PLA2G5: variants seen among roughly 807,000 people sequenced by gnomAD.
PLA2G5 encodes Ca2+-dependent phospholipase A2.
In PLA2G5, 12 loss-of-function variants were observed where a neutral mutation model predicts 15.9. The ratio of observed to expected loss-of-function variants is 0.76; its 90% confidence interval spans 0.48 to 1.23. PLA2G5 has a LOEUF of 1.23. PLA2G5 is among the 50% of genes most tolerant of loss of function. The pLI is 0.00. For synonymous variants in PLA2G5, 71 were observed against 71.4 expected, an observed-to-expected ratio of 0.99 and a Z score of 0.03; for missense variants, 169 against 177.1, an observed-to-expected ratio of 0.95 and a Z score of 0.26.
chr1:20,076,524 C>T (rs1026508979), intron 1 of PLA2G5, among the ~76,000 whole-genome samples: 9 of 152,142 alleles, frequency 5.9e-5, no homozygotes, highest in African/African-American at 1.7e-4. Context: ...GTCAGGTGTA[C>T]GATTCTGGGT....
chr1:20,035,618 A>T (rs10916696), intron 1 of PLA2G5, among the ~76,000 whole-genome samples: 150,375 of 152,272 alleles, frequency 0.99, 74,273 homozygotes, highest in East Asian at 1. Flanking sequence ...TCCTTATGTG[A>T]TAGATGAGTT....
At chr1:20,087,045 A>T (rs2016326199) in intron 3 of PLA2G5, among the ~76,000 whole-genome samples, 1 of 152,242 alleles carries the variant, frequency 6.6e-6, no homozygotes, top group African/African-American at 2.4e-5. Context: ...AGAATGATCC[A>T]TGTGCAAAAG....
intron 1 of PLA2G5, among the ~76,000 whole-genome samples, chr1:20,040,265 AT>A (rs978424857): frequency 6.6e-6 from 1 of 152,084 alleles, no homozygotes; most frequent in African/African-American, 2.4e-5. Context: ...TTGTGAAGGT[AT>A]TTTTGTACAG....
intron 1 of PLA2G5, among the ~76,000 whole-genome samples, chr1:20,046,306 G>A (rs975406418): frequency 6.6e-6 from 1 of 152,044 alleles, no homozygotes; most frequent in East Asian, 1.9e-4. Context: ...ACCTGACTTG[G>A]TTAAATCCAA....
chr1:20,050,025 CT>C (rs572400993), intron 1 of PLA2G5, among the ~76,000 whole-genome samples: 306 of 152,196 alleles, frequency 2.0e-3, no homozygotes, highest in African/African-American at 7.1e-3. Flanking sequence ...TGCAGAAGGT[CT>C]TTTCTTTTGC....
chr1:20,079,785 C>A (rs1423400513), intron 1 of PLA2G5, among the ~76,000 whole-genome samples: 1 of 152,164 alleles, frequency 6.6e-6, no homozygotes, highest in African/African-American at 2.4e-5. Flanking sequence ...CACACAGATA[C>A]TAAGTGGCTG....
intron 1 of PLA2G5, among the ~76,000 whole-genome samples, chr1:20,042,160 T>A (rs550784218): frequency 6.6e-6 from 1 of 152,206 alleles, no homozygotes; most frequent in South Asian, 2.1e-4. Context: ...AGGCAATGAG[T>A]TTGGCTTGCT....
chr1:20,030,103 C>T (rs899568574), intron 1 of PLA2G5, among the ~76,000 whole-genome samples: 1 of 152,150 alleles, frequency 6.6e-6, no homozygotes, highest in Non-Finnish European at 1.5e-5. Flanking sequence ...AGAAATAAGA[C>T]ACAGAGAAAA....
intron 1 of PLA2G5, among the ~76,000 whole-genome samples, chr1:20,031,993 G>A (rs2012979067): frequency 6.6e-6 from 1 of 152,132 alleles, no homozygotes; most frequent in Admixed American, 6.5e-5. Context: ...GAAACAGGGA[G>A]ATTCTGGAGG....
intron 1 of PLA2G5, among the ~76,000 whole-genome samples, chr1:20,041,969 A>G (rs2013626176): frequency 1.3e-5 from 2 of 152,152 alleles, no homozygotes; most frequent in African/African-American, 4.8e-5. Context: ...TTCCTTTGGA[A>G]GTAAAGCAGC....
At chr1:20,068,874 C>T (rs2015191638), upstream of PLA2G5, 11 of 1,179,418 alleles carry the variant, frequency 9.3e-6, no homozygotes, top group African/African-American at 3.2e-5. Context: ...TCCTGGAAGC[C>T]GCTGATACAG....
At chr1:20,072,952 C>T (rs148109725) in intron 1 of PLA2G5, among the ~76,000 whole-genome samples, 12 of 152,322 alleles carry the variant, frequency 7.9e-5, no homozygotes, top group East Asian at 7.7e-4. Flanking sequence ...TAGTGCCTAA[C>T]GGGACCTCTG....
intron 2 of PLA2G5, among the ~76,000 whole-genome samples, chr1:20,062,561 A>G (rs2014787398): frequency 6.6e-6 from 1 of 152,178 alleles, no homozygotes; most frequent in African/African-American, 2.4e-5. Context: ...TGGGAGGCCA[A>G]AGTGGGAGGA....
chr1:20,062,156 G>A (rs2014767119), intron 2 of PLA2G5, among the ~76,000 whole-genome samples: 1 of 152,228 alleles, frequency 6.6e-6, no homozygotes, highest in African/African-American at 2.4e-5. Context: ...TGTAAAGCCT[G>A]CAGAACCATG....
intron 1 of PLA2G5, among the ~76,000 whole-genome samples, chr1:20,046,474 T>C (rs1055363462): frequency 3.9e-5 from 6 of 152,240 alleles, no homozygotes; most frequent in African/African-American, 1.4e-4. Flanking sequence ...TTTACTTTTT[T>C]TCCACCCTAT....
chr1:20,073,395 T>C (rs2015488767), intron 1 of PLA2G5, among the ~76,000 whole-genome samples: 1 of 152,206 alleles, frequency 6.6e-6, no homozygotes, highest in Non-Finnish European at 1.5e-5. Flanking sequence ...TATTAACCAA[T>C]AGCTGTAACA....
intron 1 of PLA2G5, among the ~76,000 whole-genome samples, chr1:20,082,801 GA>G (rs2016098990): frequency 6.6e-6 from 1 of 151,910 alleles, no homozygotes; most frequent in African/African-American, 2.4e-5. Context: ...CTAAAATATA[GA>G]AAATCAAAAG....
At chr1:20,050,262 C>A (rs483625) in intron 1 of PLA2G5, among the ~76,000 whole-genome samples, 18,574 of 152,132 alleles carry the variant, frequency 0.12, 2,133 homozygotes, top group African/African-American at 0.31. Context: ...ATCTTAAACA[C>A]TGTCAGTAAT....
chr1:20,048,653 C>A (rs2014037485), intron 1 of PLA2G5, among the ~76,000 whole-genome samples: 1 of 152,096 alleles, frequency 6.6e-6, no homozygotes, highest in Non-Finnish European at 1.5e-5. Flanking sequence ...GGCCTATGCC[C>A]AGGTATGAAC....
Sources: allele counts gnomAD v4.1 joint callset (sites outside exome capture counted in the v4.1 genomes callset), GRCh38; gene constraint gnomAD v4.1.1; transcripts MANE v1.5; gene names NCBI Gene and HGNC (gene_info 2026-07-23, HGNC 2026-07-21).